BCL2: variants seen among roughly 807,000 people sequenced by gnomAD.
BCL2 encodes apoptosis regulator Bcl-2.
BCL2 carries 1 observed loss-of-function variant against 14.2 expected under a neutral mutation model. The ratio of observed to expected loss-of-function variants is 0.07; its 90% confidence interval spans 0.02 to 0.33. The LOEUF (loss-of-function observed/expected upper bound fraction) is 0.33. Among genes scored for constraint, BCL2 ranks in the 10% least tolerant of loss-of-function variants. The pLI is 0.99. For missense variants in BCL2, 247 were observed against 305.9 expected, an observed-to-expected ratio of 0.81 and a Z score of 1.44; for synonymous variants, 151 against 137.2, an observed-to-expected ratio of 1.10 and a Z score of -0.70.
intron 2 of BCL2, among the ~76,000 whole-genome samples, chr18:63,147,846 G>A (rs988979400): frequency 4.6e-5 from 7 of 151,900 alleles, no homozygotes; most frequent in African/African-American, 9.7e-5. Context: ...CCTATTCCTC[G>A]GGCAATGGAA....
At chr18:63,308,334 CA>C (rs1913205765) in intron 2 of BCL2, among the ~76,000 whole-genome samples, 1 of 152,188 alleles carries the variant, frequency 6.6e-6, no homozygotes, top group Non-Finnish European at 1.5e-5. Context: ...ATTTGAGCTA[CA>C]ACACTGATCA....
intron 2 of BCL2, among the ~76,000 whole-genome samples, chr18:63,150,269 G>T (rs184203699): frequency 2.0e-5 from 3 of 146,542 alleles, no homozygotes; most frequent in African/African-American, 5.0e-5. Context: ...GCCTGAAAAC[G>T]AAAGAAAGAG....
intron 2 of BCL2, 120 bp downstream of exon 2, chr18:63,317,962 C>T (rs555499082): frequency 1.3e-6 from 2 of 1,487,726 alleles, no homozygotes; most frequent in Non-Finnish European, 9.0e-7. Context: ...GAAGCAACAA[C>T]TCTGATTTTA....
intron 2 of BCL2, among the ~76,000 whole-genome samples, chr18:63,242,618 T>C (rs1439875578): frequency 3.3e-5 from 5 of 152,106 alleles, no homozygotes. Flanking sequence ...CAATCCCTTA[T>C]TACCAGTCTC....
rs1324029808 is a variant in BCL2, at chr18:63,149,337, A to T, written c.586-20578T>A. Reference sequence around the variant, plus strand: ...GGGTTTGCACTCCTAGGAAAACCTAATGTCGCCACTGATCTGACAGGAGCC... The same window carrying T: ...GGGTTTGCACTCCTAGGAAAACCTATTGTCGCCACTGATCTGACAGGAGCC... On this transcript the variant is annotated intron_variant, in intron 2 of 2. Transcript: ENST00000333681. This position sits in a 1 kb window ranked among gnomAD's most constrained non-coding sequence, Gnocchi z 4.2. Among the ~76,000 whole-genome samples the T allele has an allele frequency of 6.6e-6, 1 of 152,208 alleles. No individual in the cohort carries two copies. Among genetic ancestry groups the T allele is most frequent in the Non-Finnish European group, 1.5e-5 (1 of 68,028 alleles).
At chr18:63,137,375 C>A (rs988351655) in intron 2 of BCL2, among the ~76,000 whole-genome samples, 2 of 152,306 alleles carry the variant, frequency 1.3e-5, no homozygotes, top group African/African-American at 4.8e-5. Flanking sequence ...TTTTATTTAT[C>A]TTTGGATCCC....
intron 2 of BCL2, among the ~76,000 whole-genome samples, chr18:63,218,058 G>C (rs75425536): frequency 0.024 from 3,693 of 152,210 alleles, 63 homozygotes; most frequent in Non-Finnish European, 0.038. Flanking sequence ...CTGCCTCCAA[G>C]GTCAGTCAGC....
At chr18:63,177,543 T>C (rs1002786948) in intron 2 of BCL2, among the ~76,000 whole-genome samples, 9 of 152,326 alleles carry the variant, frequency 5.9e-5, no homozygotes, top group African/African-American at 2.2e-4. Context: ...TCACACCACT[T>C]ATCCTCCTTG....
At chr18:63,175,675 C>A (rs909198163) in intron 2 of BCL2, among the ~76,000 whole-genome samples, 4 of 152,176 alleles carry the variant, frequency 2.6e-5, no homozygotes, top group African/African-American at 9.7e-5. Context: ...ATTTCCCAAC[C>A]CTTGCTCTCT....
At chr18:63,267,580 G>A (rs562231418) in intron 2 of BCL2, among the ~76,000 whole-genome samples, 2 of 152,212 alleles carry the variant, frequency 1.3e-5, no homozygotes, top group Non-Finnish European at 2.9e-5. Context: ...GGAGTAAGAT[G>A]ATGGGTTAAG....
At chr18:63,226,458 C>A (rs1176468632) in intron 2 of BCL2, among the ~76,000 whole-genome samples, 2 of 152,264 alleles carry the variant, frequency 1.3e-5, no homozygotes, top group East Asian at 3.9e-4. Context: ...AAACTGAAAA[C>A]AATCTGAATG....
chr18:63,177,396 C>T (rs1175369456), intron 2 of BCL2, among the ~76,000 whole-genome samples: 15 of 152,088 alleles, frequency 9.9e-5, no homozygotes, highest in Admixed American at 7.2e-4. Flanking sequence ...CAAAGAACAC[C>T]TAAGAAACCA....
chr18:63,162,684 C>T (rs1402307707), intron 2 of BCL2, among the ~76,000 whole-genome samples: 1 of 152,138 alleles, frequency 6.6e-6, no homozygotes, highest in East Asian at 1.9e-4. Context: ...ACCATCTATG[C>T]TCTTGGCACA....
chr18:63,257,984 G>C (rs1291849853), intron 2 of BCL2, among the ~76,000 whole-genome samples: 2 of 152,220 alleles, frequency 1.3e-5, no homozygotes. Flanking sequence ...ACCTGTAAAT[G>C]TGACTTAATT....
chr18:63,158,273 G>C (rs1393649127), intron 2 of BCL2, among the ~76,000 whole-genome samples: 1 of 152,192 alleles, frequency 6.6e-6, no homozygotes, highest in African/African-American at 2.4e-5. Context: ...GGTTCCTTGA[G>C]GCGTATTAAT....
chr18:63,198,209 GAC>G lies in BCL2; in HGVS notation c.586-69452_586-69451del, dbSNP rs775735352. 2.1e-4 allele frequency among the ~76,000 whole-genome samples: 30 copies of G among 145,712 alleles called. No homozygotes were observed. The South Asian group carries it at 2.2e-3, about 11-fold the overall frequency. On this transcript the variant is annotated intron_variant, in intron 2 of 2. Coordinates refer to ENST00000333681, the MANE Select transcript of BCL2 (RefSeq NM_000633.3). The stretch of plus-strand genomic sequence containing the variant: ...ACACACACACACAGAGACACACACA[GAC>G]ACACACAAACACACACAGACACACA...
At position 63,274,277 on chromosome 18, in the gene BCL2, C is replaced by CTTTTTTTTTTT. The variant is rs74169950; in HGVS notation, c.585+43794_585+43804dup. Among the ~76,000 whole-genome samples, 87 of 86,752 alleles carry CTTTTTTTTTTT rather than the reference C, an allele frequency of 1.0e-3. 6 individuals are homozygous for CTTTTTTTTTTT. The highest frequency in any genetic ancestry group is 3.0e-3 in the African/African-American group (70 of 22,984). The allele number at this position is 86,752 out of a possible 152,430, so 56.9% of individuals were successfully genotyped here. A position where few individuals can be genotyped will look rare whatever the true frequency, so the allele number is the denominator to read the frequency against. ...GGAGTCAAGCTTTTATAAAGATACT[C>CTTTTTTTTTTT]TTTTTTTTTTTTTTTTTTTTTTTGA... On this transcript the variant is annotated intron_variant, in intron 2 of 2. Coordinates refer to ENST00000333681, the MANE Select transcript of BCL2 (RefSeq NM_000633.3).
rs1265055966 is a variant in BCL2 at position 63,169,363 on chromosome 18, TTCTTTC to T, written c.586-40610_586-40605del. ...TTTCTTTCTTTCTTTCTTTCTTTCT[TTCTTTC>T]TCTTTCTTTCTTTCTTTCTTTTTCT... is the stretch of plus-strand genomic sequence containing the variant. On this transcript the variant is annotated intron_variant, in intron 2 of 2. Coordinates refer to ENST00000333681, the MANE Select transcript of BCL2 (RefSeq NM_000633.3). Among the ~76,000 whole-genome samples the T allele has an allele frequency of 7.6e-3, 434 of 57,440 alleles. 41 individuals carry two copies. Among genetic ancestry groups the T allele is most frequent in the African/African-American group, 0.013 (155 of 11,938 alleles). 37.7% of individuals were successfully genotyped at this position (57,440 alleles called of 152,430 possible).
intron 2 of BCL2, among the ~76,000 whole-genome samples, chr18:63,129,480 T>C (rs1427261167): frequency 6.6e-6 from 1 of 152,154 alleles, no homozygotes; most frequent in Non-Finnish European, 1.5e-5. Context: ...GGTCTTACTA[T>C]ACTTTCCAGG....
Sources: gnomAD v4.1 joint callset for allele counts (sites outside exome capture counted in the v4.1 genomes callset) on GRCh38, gnomAD v4.1.1 for gene constraint, Gnocchi (gnomAD v3.1) non-coding constraint, MANE v1.5 for transcripts, NCBI Gene and HGNC (gene_info 2026-07-23, HGNC 2026-07-21) for gene names.